Variants in PARP14 observed in about 807,000 individuals in gnomAD.
The protein encoded by PARP14 is protein mono-ADP-ribosyltransferase PARP14.
A neutral mutation model predicts 154.2 loss-of-function variants in PARP14; 59 were observed. The observed-to-expected ratio is 0.38, with a 90% confidence interval of 0.31 to 0.48. PARP14 has a LOEUF of 0.48. Ranked by LOEUF, PARP14 falls within the 20% of genes least tolerant of loss-of-function variation. The pLI is 0.98. For synonymous variants in PARP14, 720 were observed against 780.5 expected, an observed-to-expected ratio of 0.92 and a Z score of 1.29; for missense variants, 1,734 against 2,131.6, an observed-to-expected ratio of 0.81 and a Z score of 3.67.
chr3:122,697,170 T>C (rs751591249), intron 5 of PARP14, among the ~76,000 whole-genome samples: 2 of 152,166 alleles, frequency 1.3e-5, no homozygotes, highest in African/African-American at 2.4e-5. Context: ...CCCAGTCTGG[T>C]CTTGAACTCC....
chr3:122,721,586 C>CA (rs927528434), intron 15 of PARP14: 13 of 149,404 alleles, frequency 8.7e-5, no homozygotes, highest in Non-Finnish European at 1.0e-4. Flanking sequence ...GACTCCGTCT[C>CA]AAAAAAAAAA....
chr3:122,699,680 G>A lies in PARP14; in HGVS notation c.1126G>A (p.Gly376Arg), dbSNP rs767962346. Residue 376 changes from glycine (G) to arginine (R), a missense_variant, in exon 6 of 17, where the codon GGA (glycine) becomes AGA (arginine). Coordinates refer to ENST00000474629, the MANE Select transcript of PARP14 (RefSeq NM_017554.3). ...IRPAATLVNE[G>R]RPRIKTWQAD... ...ACCAGCAGCCACCTTAGTCAATGAA[G>A]GAAGACCGAGAATCAAGACCTGGCA... The A allele has an allele frequency of 1.8e-5, 29 of 1,613,888 alleles. No individual in the cohort carries two copies. The highest frequency in any genetic ancestry group is 2.3e-5 in the Non-Finnish European group (27 of 1,179,902).
intron 5 of PARP14, among the ~76,000 whole-genome samples, chr3:122,698,246 AC>A (rs1938842825): frequency 6.6e-6 from 1 of 152,236 alleles, no homozygotes; most frequent in African/African-American, 2.4e-5. Context: ...ACCCAATCAT[AC>A]ACAAGGTGAA....
chr3:122,728,916 G>A lies in PARP14; in HGVS notation c.*319G>A, dbSNP rs1336644744. 2 of 291,992 alleles carry A rather than the reference G, an allele frequency of 6.8e-6. No homozygotes were observed. The highest frequency in any genetic ancestry group is 1.3e-5 in the Non-Finnish European group (2 of 152,252). 18.1% of individuals were successfully genotyped at this position (291,992 alleles called of 1,614,324 possible). On this transcript the variant is annotated 3_prime_UTR_variant, in exon 17 of 17. Coordinates refer to ENST00000474629, the MANE Select transcript of PARP14 (RefSeq NM_017554.3). ...AGAGAATAACAGTCTTATAGACAGA[G>A]GGCACAGCTAAGCACAGCTGCCACT...
rs187501654 is a variant in PARP14, at chr3:122,694,929, C to G, written c.599-497C>G. Among the ~76,000 whole-genome samples the G allele has an allele frequency of 9.2e-5, 14 of 152,090 alleles. No individual in the cohort carries two copies. In the East Asian group the frequency reaches 2.7e-3, roughly 29 times the overall value. ...TGCAGGAAATTGTATACACAAAGAC[C>G]CTTTCAAGGAGAAGGGGTTTTACAA... On this transcript the variant is annotated intron_variant, in intron 4 of 16. Coordinates refer to ENST00000474629, the MANE Select transcript of PARP14 (RefSeq NM_017554.3).
At chr3:122,724,978 GA>G (rs908125433) in intron 15 of PARP14, among the ~76,000 whole-genome samples, 2 of 152,194 alleles carry the variant, frequency 1.3e-5, no homozygotes, top group African/African-American at 4.8e-5. Flanking sequence ...TAAGGTTGTA[GA>G]TTAACAGCAT....
intron 8 of PARP14, among the ~76,000 whole-genome samples, chr3:122,706,959 G>T (rs1939174902): frequency 6.6e-6 from 1 of 152,186 alleles, no homozygotes; most frequent in Non-Finnish European, 1.5e-5. Context: ...GGGACCTTGT[G>T]ATGGTCATTC....
chr3:122,701,002 C>T lies in PARP14; in HGVS notation c.2448C>T (p.Val816=), dbSNP rs376303346. 6.8e-5 allele frequency: 110 copies of T among 1,613,820 alleles called. 1 individual carries two copies. Among genetic ancestry groups the T allele is most frequent in the Middle Eastern group, 4.9e-4 (3 of 6,084 alleles). ...AGGGTGACTTGGCACGGCTTCCTGT[C>T]GATGTGGTGGTGAATGCATCTAATG... ...VQQGDLARLP[V]DVVVNASNED... is the part of the protein sequence containing the mutation. The change falls in exon 6 of 17, where the codon GTC becomes GTT. Residue 816 remains valine (V), a synonymous_variant. Transcript: ENST00000474629. The surrounding 1 kb of genome is among the most constrained non-coding windows in gnomAD (Gnocchi z 4.0).
chr3:122,718,686 A>G lies in PARP14; in HGVS notation c.4535A>G (p.Glu1512Gly), dbSNP rs1408271582. 7.4e-6 allele frequency: 12 copies of G among 1,613,768 alleles called. No homozygotes were observed. Among genetic ancestry groups the G allele is most frequent in the Admixed American group, 1.7e-5 (1 of 59,974 alleles). ...GTGATGCAGGCTAGAGATGAAATTG[A>G]GGCGATGATCAAGAGAGTTCGATTG... is the stretch of plus-strand genomic sequence containing the variant. ...RDVMQARDEI[E>G]AMIKRVRLAK... is the part of the protein sequence containing the mutation. Residue 1512 changes from glutamate (E) to glycine (G), a missense_variant, in exon 14 of 17, where the codon GAG (glutamate) becomes GGG (glycine). Glu to Gly is a moderately conservative substitution (Grantham distance 98, BLOSUM62 -2). Transcript: ENST00000474629.
At chr3:122,686,312 C>T (rs1455721343) in intron 2 of PARP14, among the ~76,000 whole-genome samples, 1 of 151,940 alleles carries the variant, frequency 6.6e-6, no homozygotes, top group Non-Finnish European at 1.5e-5. Context: ...TGCCACCACA[C>T]CTGGCTAATT....
intron 12 of PARP14, among the ~76,000 whole-genome samples, chr3:122,715,885 G>A (rs929642987): frequency 3.3e-5 from 5 of 152,260 alleles, no homozygotes; most frequent in Admixed American, 2.6e-4. Context: ...GGTAGGTTTC[G>A]TTTTGTATAA....
intron 8 of PARP14, among the ~76,000 whole-genome samples, chr3:122,706,797 T>C (rs186956812): frequency 1.3e-5 from 2 of 151,120 alleles, no homozygotes; most frequent in Admixed American, 1.3e-4. Flanking sequence ...AAATGATGAT[T>C]ATGGAGGGTC....
chr3:122,699,540 C>T lies in PARP14; in HGVS notation c.986C>T (p.Pro329Leu). 3.7e-6 allele frequency: 6 copies of T among 1,613,898 alleles called. No homozygotes were observed. The highest frequency in any genetic ancestry group is 5.1e-6 in the Non-Finnish European group (6 of 1,179,846). The change falls in exon 6 of 17, where the codon CCC becomes CTC. Residue 329 changes from proline to leucine, a missense_variant. Pro to Leu is a moderately conservative substitution (Grantham distance 98). Coordinates refer to ENST00000474629, the MANE Select transcript of PARP14 (RefSeq NM_017554.3). ...PAPFEESLDL[P>L]LWKFLQKKNH... Reference sequence around the variant, plus strand: ...CCATTTGAAGAGTCACTAGATCTTCCCTTATGGAAGTTCTTACAGAAAAAG... The same window carrying T: ...CCATTTGAAGAGTCACTAGATCTTCTCTTATGGAAGTTCTTACAGAAAAAG...
In PARP14 at chr3:122,718,632, T is replaced by G; in HGVS notation, c.4481T>G (p.Leu1494Trp). 6.2e-7 allele frequency: 1 copy of G among 1,613,900 alleles called. No individual in the cohort carries two copies. ...INISLDHKRP[L>W]IKVLGISRDV... The stretch of plus-strand genomic sequence containing the variant: ...ATTTCCCTGGACCATAAGAGACCTT[T>G]GATTAAGGTTTTGGGAATTAGCAGA... The change falls in exon 14 of 17, where the codon TTG becomes TGG. Residue 1494 changes from leucine to tryptophan, a missense_variant. Leu to Trp is a moderately conservative substitution (Grantham distance 61, BLOSUM62 -2). Around this residue, in one of 2 missense-constraint regions of PARP14, gnomAD observed 1,646 missense variants for 1,976.0 expected, o/e 0.83. Coordinates refer to ENST00000474629, the MANE Select transcript of PARP14 (RefSeq NM_017554.3).
chr3:122,708,938 C>G (rs1939239975), intron 9 of PARP14, among the ~76,000 whole-genome samples: 2 of 151,992 alleles, frequency 1.3e-5, no homozygotes, highest in Non-Finnish European at 2.9e-5. Context: ...TTGAGCCCAT[C>G]CAGTGAATGT....
intron 8 of PARP14, among the ~76,000 whole-genome samples, chr3:122,707,116 T>A (rs1041865511): frequency 6.6e-6 from 1 of 152,206 alleles, no homozygotes; most frequent in Non-Finnish European, 1.5e-5. Context: ...TTTTTACATA[T>A]GTACTTTTAA....
rs113702674 is a variant in PARP14 at position 122,689,174 on chromosome 3, G to A, written c.355+2061G>A. Among the ~76,000 whole-genome samples the A allele has an allele frequency of 2.6e-3, 396 of 152,300 alleles. 3 individuals carry two copies. The highest frequency in any genetic ancestry group is 8.0e-3 in the African/African-American group (333 of 41,558). On this transcript the variant is annotated intron_variant, in intron 3 of 16. Coordinates refer to ENST00000474629, the MANE Select transcript of PARP14 (RefSeq NM_017554.3). ...GAAGTATATTAGAGCCAACATGCCT[G>A]AAGCCACATGTGTCATCTTCCTCCC...
intron 9 of PARP14, among the ~76,000 whole-genome samples, chr3:122,711,494 T>A (rs1314157123): frequency 1.3e-5 from 2 of 152,250 alleles, no homozygotes; most frequent in East Asian, 3.8e-4. Context: ...TTAGCTCATA[T>A]TTTGTCAAAG....
In PARP14 at chr3:122,701,646, C is replaced by T; in HGVS notation, c.3081+11C>T. ...GTGCAGAATGCTAAGGTGAGTGTCG[C>T]TTTTACAGAACACCACCAGGGCACT... On this transcript the variant is annotated intron_variant, in intron 6 of 16. Transcript: ENST00000474629. The surrounding 1 kb of genome is among the most constrained non-coding windows in gnomAD (Gnocchi z 4.0). 1 of 1,551,058 alleles carries T rather than the reference C, an allele frequency of 6.4e-7. No homozygotes were observed. The highest frequency in any genetic ancestry group is 8.7e-7 in the Non-Finnish European group (1 of 1,145,234).
Sources: allele counts gnomAD v4.1 joint callset (sites outside exome capture counted in the v4.1 genomes callset), GRCh38; gene constraint gnomAD v4.1.1; regional missense constraint gnomAD v4.1.1; non-coding constraint Gnocchi (gnomAD v3.1); transcripts MANE v1.5; gene names NCBI Gene and HGNC (gene_info 2026-07-23, HGNC 2026-07-21).